TBC1D5: variants seen among roughly 807,000 people sequenced by gnomAD.
TBC1D5 encodes the protein TBC1 domain family, member 5.
A neutral mutation model predicts 100.3 loss-of-function variants in TBC1D5; 75 were observed. The observed-to-expected ratio is 0.75, with a 90% CI of 0.62 to 0.91. The LOEUF (loss-of-function observed/expected upper bound fraction) is 0.91, where lower values mean the gene tolerates loss of function less well. TBC1D5 is among the 40% of genes least tolerant of loss of function. TBC1D5 has a pLI of 0.00. For missense variants in TBC1D5, 910 were observed against 942.4 expected, an observed-to-expected ratio of 0.97 and a Z score of 0.45; for synonymous variants, 323 against 325.6, an observed-to-expected ratio of 0.99 and a Z score of 0.09.
At chr3:17,625,248 G>C (rs1315499218) in intron 1 of TBC1D5, among the ~76,000 whole-genome samples, 1 of 151,736 alleles carries the variant, frequency 6.6e-6, no homozygotes, top group Non-Finnish European at 1.5e-5. Flanking sequence ...AAAAAACAAA[G>C]GCCATATTCA....
chr3:17,716,404 T>C (rs573166575), intron 1 of TBC1D5, among the ~76,000 whole-genome samples: 3 of 151,862 alleles, frequency 2.0e-5, no homozygotes, highest in African/African-American at 7.2e-5. Context: ...CTGGAAGGAT[T>C]ATGGGATTTG....
intron 1 of TBC1D5, among the ~76,000 whole-genome samples, chr3:17,716,862 G>A (rs1020598538): frequency 6.8e-6 from 1 of 147,138 alleles, no homozygotes; most frequent in Non-Finnish European, 1.5e-5. Flanking sequence ...TAATCTGAGT[G>A]TTTGTTCTTG....
At chr3:17,411,201 G>C (rs1489304953) in intron 4 of TBC1D5, among the ~76,000 whole-genome samples, 3 of 121,456 alleles carry the variant, frequency 2.5e-5, no homozygotes, top group African/African-American at 6.6e-5. Context: ...GATGATCCTT[G>C]GCATTTTTTT....
At chr3:17,433,949 A>G (rs1349051616) in intron 3 of TBC1D5, among the ~76,000 whole-genome samples, 2 of 152,192 alleles carry the variant, frequency 1.3e-5, no homozygotes, top group African/African-American at 2.4e-5. Flanking sequence ...ATTAAACTGT[A>G]AAGTACCAAA....
At chr3:17,319,033 T>C (rs759887079) in intron 13 of TBC1D5, among the ~76,000 whole-genome samples, 1 of 152,322 alleles carries the variant, frequency 6.6e-6, no homozygotes, top group Middle Eastern at 3.4e-3. Flanking sequence ...TTGCCACTTT[T>C]GGTCAGCCAA....
intron 13 of TBC1D5, among the ~76,000 whole-genome samples, chr3:17,309,799 G>A (rs2083795143): frequency 6.6e-6 from 1 of 151,918 alleles, no homozygotes; most frequent in Non-Finnish European, 1.5e-5. Flanking sequence ...ACCAGAGATG[G>A]GCACAGCAAA....
chr3:17,596,058 A>C (rs570359202), intron 2 of TBC1D5, among the ~76,000 whole-genome samples: 24 of 152,238 alleles, frequency 1.6e-4, no homozygotes, highest in African/African-American at 5.3e-4. Context: ...AGCTTTGAAA[A>C]TTTCATGGTA....
At chr3:17,214,332 C>T in exon 18 of TBC1D5, 1 of 1,613,170 alleles carries the variant, frequency 6.2e-7, no homozygotes, top group Non-Finnish European at 8.5e-7. Flanking sequence ...GGCAAACTCT[C>T]AACGCTTGGA....
chr3:17,606,360 G>A (rs778569513), intron 2 of TBC1D5, among the ~76,000 whole-genome samples: 1 of 152,246 alleles, frequency 6.6e-6, no homozygotes, highest in East Asian at 1.9e-4. Flanking sequence ...AGGATTGGGA[G>A]GATTGCTTGA....
intron 1 of TBC1D5, among the ~76,000 whole-genome samples, chr3:17,705,507 C>T (rs1455118107): frequency 2.0e-5 from 3 of 149,394 alleles, no homozygotes; most frequent in African/African-American, 4.9e-5. Flanking sequence ...GGTTGCCAGG[C>T]GGAGGGTCTC....
At chr3:17,562,436 A>G (rs1030080527) in intron 2 of TBC1D5, among the ~76,000 whole-genome samples, 1 of 151,972 alleles carries the variant, frequency 6.6e-6, no homozygotes, top group African/African-American at 2.4e-5. Context: ...ATTTGCACCT[A>G]ATAGTGTCTA....
Position 17,723,177 on chromosome 3 carries a change from ATT to A in TBC1D5, c.-101+16164_-101+16165del, listed in dbSNP as rs1430553834. ...ACATTCTAAAGTAACTAAAAGTGTA[ATT>A]TGATTGTTTGTAATACAAAGAATAA... On this transcript the variant is annotated intron_variant, in intron 1 of 21. Coordinates refer to ENST00000253692, the Ensembl canonical transcript of TBC1D5. 3.0e-4 allele frequency among the ~76,000 whole-genome samples: 46 copies of A among 152,254 alleles called. No individual in the cohort carries two copies. The East Asian group carries it at 7.9e-3, about 26-fold the overall frequency.
intron 1 of TBC1D5, among the ~76,000 whole-genome samples, chr3:17,668,763 T>C (rs942552043): frequency 6.6e-6 from 1 of 151,876 alleles, no homozygotes; most frequent in Non-Finnish European, 1.5e-5. Context: ...ACTAGATTCA[T>C]AGTTCTGGTC....
intron 2 of TBC1D5, among the ~76,000 whole-genome samples, chr3:17,541,699 T>C (rs561070893): frequency 2.0e-5 from 3 of 152,360 alleles, no homozygotes; most frequent in South Asian, 2.1e-4. Flanking sequence ...CTAACTGCTA[T>C]GGTTAGAACA....
At chr3:17,434,107 G>A (rs1234057595) in intron 3 of TBC1D5, among the ~76,000 whole-genome samples, 1 of 152,196 alleles carries the variant, frequency 6.6e-6, no homozygotes, top group Non-Finnish European at 1.5e-5. Context: ...AGTGTCTGCA[G>A]CTTTACCAGG....
chr3:17,405,725 T>C (rs2093754083), intron 5 of TBC1D5, among the ~76,000 whole-genome samples: 1 of 152,082 alleles, frequency 6.6e-6, no homozygotes, highest in African/African-American at 2.4e-5. Context: ...AACTGTCTAA[T>C]ACACTATGTG....
chr3:17,717,925 C>T (rs1383820113), intron 1 of TBC1D5, among the ~76,000 whole-genome samples: 1 of 152,120 alleles, frequency 6.6e-6, no homozygotes, highest in Non-Finnish European at 1.5e-5. Flanking sequence ...TGAAGTATGT[C>T]ACAAACCACT....
chr3:17,317,209 C>T (rs1190474567), intron 13 of TBC1D5, among the ~76,000 whole-genome samples: 1 of 152,168 alleles, frequency 6.6e-6, no homozygotes, highest in East Asian at 1.9e-4. Context: ...TTACTAAATA[C>T]ATTTCAAAGC....
chr3:17,728,627 A>G (rs1287833720), intron 1 of TBC1D5, among the ~76,000 whole-genome samples: 1 of 152,188 alleles, frequency 6.6e-6, no homozygotes, highest in East Asian at 1.9e-4. Flanking sequence ...AAATCTGTGG[A>G]AAAAAGGTAA....
Sources: gnomAD v4.1 joint callset for allele counts (sites outside exome capture counted in the v4.1 genomes callset) on GRCh38, gnomAD v4.1.1 for gene constraint, MANE v1.5 for transcripts, NCBI Gene and HGNC (gene_info 2026-07-23, HGNC 2026-07-21) for gene names.